Variants in MTSS1 observed in about 807,000 individuals in gnomAD.
The protein encoded by MTSS1 is protein MTSS 1.
A neutral mutation model predicts 79.0 loss-of-function variants in MTSS1; 18 were observed. The observed-to-expected ratio is 0.23, with a 90% CI of 0.16 to 0.34. The LOEUF is 0.34. Among genes scored for constraint, MTSS1 ranks in the 10% least tolerant of loss-of-function variants. The pLI is 1.00. For synonymous variants in MTSS1, 341 were observed against 368.6 expected, an observed-to-expected ratio of 0.93 and a Z score of 0.86; for missense variants, 815 against 986.2, an observed-to-expected ratio of 0.83 and a Z score of 2.33.
At chr8:124,658,379 CT>C (rs1179432320) in intron 3 of MTSS1, among the ~76,000 whole-genome samples, 1 of 152,164 alleles carries the variant, frequency 6.6e-6, no homozygotes, top group African/African-American at 2.4e-5. Context: ...TAAGAAGTGC[CT>C]TTCATCTTCT....
intron 10 of MTSS1, 82 bp downstream of exon 10, chr8:124,562,700 A>C (rs1482958963): frequency 1.5e-6 from 2 of 1,365,618 alleles, no homozygotes; most frequent in Admixed American, 1.8e-5. Context: ...GTCTAAGCCA[A>C]GGTGCTTCTT....
intron 3 of MTSS1, among the ~76,000 whole-genome samples, chr8:124,697,504 T>C (rs1172832497): frequency 6.6e-6 from 1 of 151,734 alleles, no homozygotes; most frequent in Non-Finnish European, 1.5e-5. Flanking sequence ...GAGGTTGCAG[T>C]GAGCCAAGAT....
chr8:124,605,567 G>GCTGCCTCCCTCCCTGCCCTCGCA (rs1834660757), intron 3 of MTSS1, among the ~76,000 whole-genome samples: 2 of 129,718 alleles, frequency 1.5e-5, no homozygotes, highest in African/African-American at 3.1e-5. Context: ...CTGCCCTCTC[G>GCTGCCTCCCTCCCTGCCCTCGCA]CTGCCTCCCT....
intron 3 of MTSS1, among the ~76,000 whole-genome samples, chr8:124,669,853 C>T (rs762428914): frequency 7.2e-5 from 11 of 152,186 alleles, no homozygotes; most frequent in South Asian, 4.1e-4. Context: ...GCAGATGGTA[C>T]GCGCGTCTTG....
chr8:124,569,764 G>T (rs1257072557), intron 6 of MTSS1, among the ~76,000 whole-genome samples: 1 of 152,178 alleles, frequency 6.6e-6, no homozygotes, highest in Non-Finnish European at 1.5e-5. Flanking sequence ...AGCTGGAAGG[G>T]GTTATCCAAT....
intron 1 of MTSS1, among the ~76,000 whole-genome samples, chr8:124,715,936 G>T (rs1831880555): frequency 6.6e-6 from 1 of 152,210 alleles, no homozygotes; most frequent in African/African-American, 2.4e-5. Flanking sequence ...AATGATGGTT[G>T]TAGGATGATG....
intron 5 of MTSS1, among the ~76,000 whole-genome samples, chr8:124,588,793 C>A (rs541409892): frequency 1.3e-5 from 2 of 152,332 alleles, no homozygotes; most frequent in South Asian, 4.1e-4. Context: ...CTGCTTACTG[C>A]AACCTCTGCC....
At chr8:124,580,563 C>T in intron 6 of MTSS1, 3 of 1,535,962 alleles carry the variant, frequency 2.0e-6, no homozygotes, top group Non-Finnish European at 2.6e-6. Context: ...AGAGTGTCCA[C>T]TGGCGGGGGG....
chr8:124,641,595 G>A (rs925228849), intron 3 of MTSS1, among the ~76,000 whole-genome samples: 2 of 152,178 alleles, frequency 1.3e-5, no homozygotes, highest in African/African-American at 4.8e-5. Context: ...CTCCCACAGT[G>A]CCTAGCAACA....
chr8:124,623,080 A>G (rs1813928040), intron 3 of MTSS1, among the ~76,000 whole-genome samples: 1 of 152,246 alleles, frequency 6.6e-6, no homozygotes, highest in Non-Finnish European at 1.5e-5. Flanking sequence ...GAAGCACTCA[A>G]GTGGTTCCTA....
chr8:124,667,252 C>T (rs893163937), intron 3 of MTSS1, among the ~76,000 whole-genome samples: 50 of 152,130 alleles, frequency 3.3e-4, no homozygotes, highest in African/African-American at 1.0e-3. Flanking sequence ...GGCACCCTCT[C>T]AGGGCAACTG....
At chr8:124,653,958 T>C (rs553181356) in intron 3 of MTSS1, among the ~76,000 whole-genome samples, 1 of 152,170 alleles carries the variant, frequency 6.6e-6, no homozygotes. Context: ...CGGTTAGACA[T>C]CCTGGTTGCA....
rs550853531 is a variant in MTSS1, at chr8:124,584,438, G to A, written c.460+649C>T. 1.1e-4 allele frequency among the ~76,000 whole-genome samples: 16 copies of A among 152,340 alleles called. No homozygotes were observed. The South Asian group carries it at 3.3e-3, about 32-fold the overall frequency. On this transcript the variant is annotated intron_variant, in intron 6 of 13. Transcript: ENST00000518547. ...AAAATGTCACAAGTGCTTGCAAAGT[G>A]GATGCTGCTAGATTTTTCTCTTCAA...
intron 1 of MTSS1, among the ~76,000 whole-genome samples, chr8:124,710,819 C>T (rs764631765): frequency 5.3e-5 from 8 of 152,088 alleles, no homozygotes; most frequent in South Asian, 2.1e-4. Context: ...ACACAGGGGC[C>T]GGGAACTGCC....
intron 6 of MTSS1, chr8:124,579,543 CA>C (rs1829638374): frequency 6.6e-6 from 1 of 152,166 alleles, no homozygotes; most frequent in South Asian, 2.1e-4. Context: ...CTGCAATAAG[CA>C]AAACAGTGAC....
At chr8:124,714,008 A>G (rs144634804) in intron 1 of MTSS1, among the ~76,000 whole-genome samples, 1 of 152,194 alleles carries the variant, frequency 6.6e-6, no homozygotes, top group African/African-American at 2.4e-5. Context: ...TGGCCTCCCA[A>G]TGTGCTGGGA....
chr8:124,584,655 C>A (rs146564612), intron 6 of MTSS1, among the ~76,000 whole-genome samples: 2 of 152,304 alleles, frequency 1.3e-5, no homozygotes, highest in African/African-American at 2.4e-5. Flanking sequence ...GCTTCCCCTG[C>A]ACCCATTCCT....
At chr8:124,556,027 C>T (rs2131761604) in intron 12 of MTSS1, 123 bp from the exon 13 acceptor site, 1 of 1,542,484 alleles carries the variant, frequency 6.5e-7, no homozygotes, top group Non-Finnish European at 8.7e-7. Context: ...TGCTTGGGTC[C>T]CACTCTGACC....
intron 3 of MTSS1, among the ~76,000 whole-genome samples, chr8:124,671,244 C>A (rs551514191): frequency 6.6e-6 from 1 of 152,176 alleles, no homozygotes; most frequent in South Asian, 2.1e-4. Flanking sequence ...AGAATCAAAT[C>A]CTCACCTGAC....
Sources: gnomAD v4.1 joint callset for allele counts (sites outside exome capture counted in the v4.1 genomes callset) on GRCh38, gnomAD v4.1.1 for gene constraint, MANE v1.5 for transcripts, NCBI Gene and HGNC (gene_info 2026-07-23, HGNC 2026-07-21) for gene names.